The following SUCLA2 variants were observed in gnomAD, a reference collection of about 807,000 sequenced individuals.
SUCLA2 encodes succinate--CoA ligase [ADP-forming] subunit beta, mitochondrial.
A neutral mutation model predicts 54.8 loss-of-function variants in SUCLA2; 30 were observed. The ratio of observed to expected loss-of-function variants is 0.55; its 90% CI spans 0.41 to 0.74. The LOEUF (loss-of-function observed/expected upper bound fraction) is 0.74. Ranked by LOEUF, SUCLA2 falls within the 30% of genes least tolerant of loss-of-function variation. The pLI is 0.00. For synonymous variants in SUCLA2, 172 were observed against 188.9 expected, an observed-to-expected ratio of 0.91 and a Z score of 0.74; for missense variants, 476 against 562.9, an observed-to-expected ratio of 0.85 and a Z score of 1.56.
At chr13:47,954,768 T>C (rs1210731628) in intron 6 of SUCLA2, among the ~76,000 whole-genome samples, 1 of 152,204 alleles carries the variant, frequency 6.6e-6, no homozygotes, top group African/African-American at 2.4e-5. Context: ...TTATTGGGTC[T>C]ACATCCATGC....
intron 1 of SUCLA2, among the ~76,000 whole-genome samples, chr13:47,999,431 G>C (rs1280796570): frequency 2.6e-5 from 4 of 152,182 alleles, no homozygotes; most frequent in Non-Finnish European, 5.9e-5. Context: ...AAACAGGCCG[G>C]GTGCGGTGGC....
chr13:47,942,721 A>G lies in SUCLA2; in HGVS notation c.*650T>C, dbSNP rs1949695403. 1 of 152,344 alleles carries G rather than the reference A, an allele frequency of 6.6e-6. No homozygotes were observed. The highest frequency in any genetic ancestry group is 1.5e-5 in the Non-Finnish European group (1 of 68,152). 9.4% of individuals were successfully genotyped at this position (152,344 alleles called of 1,614,324 possible). A position where few individuals can be genotyped will look rare whatever the true frequency, so the allele number is the denominator to read the frequency against. On this transcript the variant is annotated 3_prime_UTR_variant, in exon 11 of 11. Transcript: ENST00000646932. ...AATTTTGTCTGTAAGTCCTTGGTAT[A>G]TATGCCTTTATTTGAAGCAAACCTA...
At chr13:47,949,997 C>T (rs1949763643) in intron 8 of SUCLA2, among the ~76,000 whole-genome samples, 1 of 152,128 alleles carries the variant, frequency 6.6e-6, no homozygotes, top group Non-Finnish European at 1.5e-5. Flanking sequence ...CTCATTTATC[C>T]CTGTAGGAAA....
At chr13:47,982,035 T>C (rs756926321) in intron 4 of SUCLA2, among the ~76,000 whole-genome samples, 11 of 152,156 alleles carry the variant, frequency 7.2e-5, no homozygotes, top group South Asian at 2.1e-4. Flanking sequence ...GAAAACATTA[T>C]AGAAGCTTCT....
chr13:47,995,417 A>G (rs1950183689), intron 2 of SUCLA2, among the ~76,000 whole-genome samples: 1 of 152,216 alleles, frequency 6.6e-6, no homozygotes, highest in Admixed American at 6.5e-5. Flanking sequence ...CTGATTAACA[A>G]CAATAAAAAC....
At chr13:47,955,776 C>T (rs1306218630) in intron 6 of SUCLA2, among the ~76,000 whole-genome samples, 1 of 152,098 alleles carries the variant, frequency 6.6e-6, no homozygotes, top group Admixed American at 6.6e-5. Flanking sequence ...ACAAAGGTCA[C>T]CTCTCTGACT....
Position 47,959,561 on chromosome 13 carries a change from GAGA to G in SUCLA2, c.803-5007_803-5005del, listed in dbSNP as rs1949851175. Among the ~76,000 whole-genome samples, 3 of 151,600 alleles carry G rather than the reference GAGA, an allele frequency of 2.0e-5. No individual in the cohort carries two copies. The South Asian group carries it at 6.3e-4, about 32-fold the overall frequency. ...ATCTGGGACTGATCGGAAAGCCCAG[GAGA>G]AGGAGGAGGAGGAAGAGGAAAAAAA... On this transcript the variant is annotated intron_variant, in intron 6 of 10. Coordinates refer to ENST00000646932, the MANE Select transcript of SUCLA2 (RefSeq NM_003850.3).
At chr13:47,943,770 A>ATATATATG (rs1403884835) in intron 10 of SUCLA2, among the ~76,000 whole-genome samples, 4 of 145,064 alleles carry the variant, frequency 2.8e-5, no homozygotes, top group African/African-American at 1.0e-4. Flanking sequence ...GTGTGTGTAT[A>ATATATATG]TATATATATA....
chr13:47,973,937 CA>C (rs1471804794), intron 4 of SUCLA2, among the ~76,000 whole-genome samples: 1 of 151,896 alleles, frequency 6.6e-6, no homozygotes, highest in Admixed American at 6.6e-5. Flanking sequence ...CAGGGCCTGT[CA>C]GGGGGCTGGG....
chr13:47,948,364 C>T (rs1386187239), intron 10 of SUCLA2, among the ~76,000 whole-genome samples: 1 of 151,752 alleles, frequency 6.6e-6, no homozygotes, highest in Non-Finnish European at 1.5e-5. Flanking sequence ...CATATGCGTG[C>T]ATGTGTGTGT....
intron 5 of SUCLA2, chr13:47,971,971 C>G (rs911803141): frequency 5.0e-6 from 2 of 398,008 alleles, no homozygotes; most frequent in Non-Finnish European, 8.9e-6. Context: ...AATGAAGGGA[C>G]CGGACGCGGT....
rs774645707 is a variant in SUCLA2, at chr13:47,954,229, C to A, written c.1018G>T (p.Gly340Trp). ...ATMDIIKLHG[G>W]TPANFLDVGG... ...ACATCAAGGAAGTTGGCTGGAGTCCCTCCATGAAGTTTTATTATATCCATT... is the reference window on the plus strand; with the variant it reads ...ACATCAAGGAAGTTGGCTGGAGTCCATCCATGAAGTTTTATTATATCCATT... Residue 340 changes from glycine (G) to tryptophan (W), a missense_variant, in exon 8 of 11, where the codon GGG becomes TGG. Physicochemically the swap from Gly to Trp is radical, Grantham distance 184 (BLOSUM62 -2). Coordinates refer to ENST00000646932, the MANE Select transcript of SUCLA2 (RefSeq NM_003850.3). 6.2e-7 allele frequency: 1 copy of A among 1,613,906 alleles called. No homozygotes were observed. Among genetic ancestry groups the A allele is most frequent in the African/African-American group, 1.3e-5 (1 of 75,026 alleles).
intron 5 of SUCLA2, among the ~76,000 whole-genome samples, chr13:47,969,446 G>A (rs963811651): frequency 6.6e-5 from 10 of 152,144 alleles, no homozygotes; most frequent in African/African-American, 1.9e-4. Context: ...TAATAAAAGA[G>A]TTTACAGTCT....
chr13:47,952,131 T>C (rs1449066429), intron 8 of SUCLA2, among the ~76,000 whole-genome samples: 1 of 152,072 alleles, frequency 6.6e-6, no homozygotes, highest in Non-Finnish European at 1.5e-5. Context: ...CCCACTCACC[T>C]CTTTCAGTTC....
chr13:47,971,282 T>C (rs755594120), intron 5 of SUCLA2, among the ~76,000 whole-genome samples: 47 of 151,842 alleles, frequency 3.1e-4, no homozygotes, highest in Middle Eastern at 6.9e-3. Context: ...CTGGGCATGG[T>C]GGTGCATGCC....
At chr13:47,976,270 T>C (rs1950012081) in intron 4 of SUCLA2, among the ~76,000 whole-genome samples, 2 of 151,926 alleles carry the variant, frequency 1.3e-5, no homozygotes, top group South Asian at 2.1e-4. Context: ...CAGTAACCAA[T>C]TAGGAAGTCA....
chr13:47,979,980 T>C (rs1950048070), intron 4 of SUCLA2, among the ~76,000 whole-genome samples: 1 of 152,174 alleles, frequency 6.6e-6, no homozygotes, highest in African/African-American at 2.4e-5. Flanking sequence ...TTTAATACAG[T>C]AACAGTGAAC....
At chr13:47,979,895 C>CA (rs938372960) in intron 4 of SUCLA2, among the ~76,000 whole-genome samples, 12 of 151,592 alleles carry the variant, frequency 7.9e-5, no homozygotes, top group African/African-American at 2.7e-4. Flanking sequence ...TGCACACACA[C>CA]AAAAAAAACT....
At chr13:47,999,989 C>T (rs1950217610) in intron 1 of SUCLA2, among the ~76,000 whole-genome samples, 1 of 152,028 alleles carries the variant, frequency 6.6e-6, no homozygotes, top group African/African-American at 2.4e-5. Context: ...GTATTTGTCA[C>T]TAAATTCCCC....
Sources: gnomAD v4.1 joint callset for allele counts (sites outside exome capture counted in the v4.1 genomes callset) on GRCh38, gnomAD v4.1.1 for gene constraint, MANE v1.5 for transcripts, NCBI Gene and HGNC (gene_info 2026-07-23, HGNC 2026-07-21) for gene names.